The following DTX2 variants were observed in gnomAD, a reference collection of about 807,000 sequenced individuals.
DTX2 encodes probable E3 ubiquitin-protein ligase DTX2.
A neutral mutation model predicts 55.3 loss-of-function variants in DTX2; 29 were observed. The observed-to-expected ratio is 0.52, with a 90% CI of 0.39 to 0.71. The LOEUF (loss-of-function observed/expected upper bound fraction) is 0.71, where lower values mean the gene tolerates loss of function less well. Ranked by LOEUF, DTX2 falls within the 30% of genes least tolerant of loss-of-function variation. The probability of loss-of-function intolerance (pLI) is 0.00; values close to 1 mark genes in which losing one functional copy is unlikely to be tolerated. For synonymous variants in DTX2, 276 were observed against 340.4 expected (o/e 0.81, Z 2.08); for missense variants, 537 against 822.5 (o/e 0.65, Z 4.25).
intron 2 of DTX2, chr7:76,471,195 T>G (rs1041047217): frequency 7.1e-6 from 4 of 565,196 alleles, no homozygotes; most frequent in Non-Finnish European, 1.2e-5. Flanking sequence ...GGAGTCTTGC[T>G]CTGTCGCCCA....
At position 76,505,750 on chromosome 7, in the gene DTX2, C is replaced by G. The variant is rs1812279191; in HGVS notation, c.*149C>G. The G allele has an allele frequency of 1.3e-6, 1 of 795,896 alleles. No homozygotes were observed. The allele number at this position is 795,896 out of a possible 1,614,324, so 49.3% of individuals were successfully genotyped here. On this transcript the variant is annotated 3_prime_UTR_variant, in exon 11 of 11. Transcript: ENST00000430490. The surrounding 1 kb of genome is among the most constrained non-coding windows in gnomAD (Gnocchi z 4.4). Reference sequence around the variant, plus strand: ...CACCTGAAGCCGGGGCTCCCCCTGCCTGCCTCTCTCTCCTCCTCCCCTCTG... The same window carrying G: ...CACCTGAAGCCGGGGCTCCCCCTGCGTGCCTCTCTCTCCTCCTCCCCTCTG...
intron 7 of DTX2, 80 bp from the exon 8 acceptor site, chr7:76,502,218 G>T: frequency 1.4e-6 from 2 of 1,441,046 alleles, no homozygotes; most frequent in East Asian, 4.7e-5. Context: ...TTCAGCACAT[G>T]AAAGCCTCTT....
intron 5 of DTX2, among the ~76,000 whole-genome samples, chr7:76,496,546 G>A (rs1212069947): frequency 2.9e-5 from 2 of 68,654 alleles, no homozygotes; most frequent in Admixed American, 1.4e-4. Flanking sequence ...TGGCAGGAAC[G>A]GGTTCGTCCA....
rs1812292761 is a variant in DTX2, at chr7:76,505,878, G to A, written c.*277G>A. ...CTCTGGGGGCTGCTTCGGGCCCGCG[G>A]TGCTCGGGGCCTGGTGTGGGGCGAG... On this transcript the variant is annotated 3_prime_UTR_variant, in exon 11 of 11. Transcript: ENST00000430490. This position sits in a 1 kb window ranked among gnomAD's most constrained non-coding sequence, Gnocchi z 4.4. 1.7e-6 allele frequency: 1 copy of A among 571,726 alleles called. No homozygotes were observed. The highest frequency in any genetic ancestry group is 2.1e-5 in the South Asian group (1 of 48,556). 35.4% of individuals were successfully genotyped at this position (571,726 alleles called of 1,614,324 possible).
chr7:76,481,203 T>A (rs543433322), intron 3 of DTX2, among the ~76,000 whole-genome samples: 112 of 151,918 alleles, frequency 7.4e-4, no homozygotes, highest in African/African-American at 2.7e-3. Context: ...TTTTTTTTTT[T>A]TGAGACGGAG....
At chr7:76,488,266 C>T (rs1391009291) in intron 4 of DTX2, among the ~76,000 whole-genome samples, 1 of 79,194 alleles carries the variant, frequency 1.3e-5, no homozygotes, top group African/African-American at 6.2e-5. Context: ...TCTTTAGGAA[C>T]GGAAGCAAAC....
Position 76,482,691 on chromosome 7 carries a change from A to G in DTX2, c.452A>G (p.Asn151Ser). The G allele has an allele frequency of 6.2e-7, 1 of 1,613,708 alleles. No homozygotes were observed. Among genetic ancestry groups the G allele is most frequent in the Non-Finnish European group, 8.5e-7 (1 of 1,179,718 alleles). Reference sequence around the variant, plus strand: ...GTGGACTTGGCCCCCCTGGGGTACAACTACACTGTCAACTACACCACCCAC... The same window carrying G: ...GTGGACTTGGCCCCCCTGGGGTACAGCTACACTGTCAACTACACCACCCAC... ...QLVDLAPLGY[N>S]YTVNYTTHTQ... is the part of the protein sequence containing the mutation. Residue 151 changes from asparagine to serine, a missense_variant, in exon 4 of 11, where the codon AAC (asparagine) becomes AGC (serine). Physicochemically the swap from Asn to Ser is conservative, Grantham distance 46. Transcript: ENST00000430490.
intron 4 of DTX2, among the ~76,000 whole-genome samples, chr7:76,488,704 T>A (rs1325641579): frequency 7.7e-5 from 6 of 77,558 alleles, no homozygotes; most frequent in Non-Finnish European, 7.7e-5. Context: ...AAGACCAGCC[T>A]GGCCAATATG....
At chr7:76,502,234 A>C in intron 7 of DTX2, 64 bp from the exon 8 acceptor site, 1 of 1,514,096 alleles carries the variant, frequency 6.6e-7, no homozygotes, top group Non-Finnish European at 9.0e-7. Context: ...CTCTTTTTCC[A>C]AGACTGGCCC....
At chr7:76,466,591 T>C (rs1446359326) in intron 2 of DTX2, among the ~76,000 whole-genome samples, 2 of 141,668 alleles carry the variant, frequency 1.4e-5, no homozygotes, top group East Asian at 4.0e-4. Context: ...TTTCTCTGTC[T>C]CTTTTTTTTT....
intron 2 of DTX2, among the ~76,000 whole-genome samples, chr7:76,474,011 T>A (rs1808242597): frequency 1.7e-5 from 2 of 120,174 alleles, no homozygotes; most frequent in South Asian, 6.6e-4. Context: ...AACCTCCACC[T>A]CCCGGGTTCA....
chr7:76,498,845 G>A (rs1160439356), intron 6 of DTX2, among the ~76,000 whole-genome samples: 679 of 130,944 alleles, frequency 5.2e-3, no homozygotes, highest in Admixed American at 7.9e-3. Flanking sequence ...AGGGTGTGTG[G>A]GGTGTGTGGA....
intron 4 of DTX2, among the ~76,000 whole-genome samples, chr7:76,491,296 A>AAT (rs1226075636): frequency 9.0e-6 from 1 of 111,524 alleles, no homozygotes; most frequent in Non-Finnish European, 1.9e-5. Context: ...GCACCCAGCC[A>AAT]TTTTTTTTTT....
intron 7 of DTX2, among the ~76,000 whole-genome samples, chr7:76,500,749 G>A (rs546980105): frequency 5.3e-5 from 8 of 151,532 alleles, no homozygotes; most frequent in African/African-American, 1.9e-4. Context: ...CTCCTCTCCC[G>A]GCCCTGGCCT....
At chr7:76,468,446 CCATTT>C in intron 2 of DTX2, among the ~76,000 whole-genome samples, 1 of 33,186 alleles carries the variant, frequency 3.0e-5, no homozygotes, top group Non-Finnish European at 5.6e-5. Flanking sequence ...TGGCCCACTG[CCATTT>C]TTTTTTTTTT....
chr7:76,472,323 A>C (rs1638088), intron 2 of DTX2, among the ~76,000 whole-genome samples: 12,886 of 70,270 alleles, frequency 0.18, 1,143 homozygotes, highest in East Asian at 0.22. Context: ...TTGGCATTTT[A>C]AGGGAGGTTT....
chr7:76,484,119 G>A (rs1295821763), intron 4 of DTX2, among the ~76,000 whole-genome samples: 3 of 127,858 alleles, frequency 2.3e-5, no homozygotes, highest in South Asian at 2.9e-4. Flanking sequence ...CGAGGTGGGC[G>A]GATCACCTGA....
chr7:76,486,952 T>C (rs1809996202), intron 4 of DTX2, among the ~76,000 whole-genome samples: 1 of 145,942 alleles, frequency 6.9e-6, no homozygotes, highest in Admixed American at 7.0e-5. Flanking sequence ...GCTTGTGGGA[T>C]TGGAGTCATG....
intron 2 of DTX2, among the ~76,000 whole-genome samples, chr7:76,475,643 C>T (rs1808469185): frequency 6.6e-6 from 1 of 151,840 alleles, no homozygotes; most frequent in South Asian, 2.1e-4. Flanking sequence ...GCCAAAATTG[C>T]ACTGCTGCAC....
Sources: allele counts gnomAD v4.1 joint callset (sites outside exome capture counted in the v4.1 genomes callset), GRCh38; gene constraint gnomAD v4.1.1; non-coding constraint Gnocchi (gnomAD v3.1); transcripts MANE v1.5; gene names NCBI Gene and HGNC (gene_info 2026-07-23, HGNC 2026-07-21).